Variants in SQSTM1 observed in about 807,000 individuals in gnomAD.
The protein encoded by SQSTM1 is sequestosome-1.
SQSTM1 carries 36 observed loss-of-function variants against 45.1 expected under a neutral mutation model. The ratio of observed to expected loss-of-function variants is 0.80; its 90% CI spans 0.61 to 1.05. The LOEUF (loss-of-function observed/expected upper bound fraction) is 1.05. SQSTM1 is among the 50% of genes least tolerant of loss of function. SQSTM1 has a pLI of 0.00. For missense variants in SQSTM1, 617 were observed against 607.1 expected (o/e 1.02, Z -0.17); for synonymous variants, 290 against 244.3 (o/e 1.19, Z -1.74).
rs1263760209 is a variant in SQSTM1, at chr5:179,837,264, C to G, written c.*671C>G. ...TCAGCACTTTAACCAATGACGTTTGCATAGAGAGAAATGATTGACAGTAAG... is the reference window on the plus strand; with the variant it reads ...TCAGCACTTTAACCAATGACGTTTGGATAGAGAGAAATGATTGACAGTAAG... On this transcript the variant is annotated 3_prime_UTR_variant, in exon 8 of 8. Transcript: ENST00000389805. 2.1e-5 allele frequency: 33 copies of G among 1,605,114 alleles called. No homozygotes were observed. Among genetic ancestry groups the G allele is most frequent in the Non-Finnish European group, 2.7e-5 (32 of 1,179,064 alleles).
intron 1 of SQSTM1, among the ~76,000 whole-genome samples, chr5:179,821,348 G>A (rs923718361): frequency 7.2e-5 from 11 of 152,130 alleles, no homozygotes; most frequent in African/African-American, 2.7e-4. Context: ...CCAAGGCCGG[G>A]ACCCGCTGCT....
chr5:179,836,106 G>A, intron 7 of SQSTM1: 1 of 453,354 alleles, frequency 2.2e-6, no homozygotes. Context: ...TTGCATGGAG[G>A]AGTGTAATAA....
upstream of SQSTM1, among the ~76,000 whole-genome samples, chr5:179,814,102 C>G (rs899799159): frequency 6.6e-6 from 1 of 152,190 alleles, no homozygotes; most frequent in Non-Finnish European, 1.5e-5. Context: ...TCCTGACCAG[C>G]CTGTGCAATA....
intron 5 of SQSTM1, 62 bp downstream of exon 5, chr5:179,825,288 C>T: frequency 1.5e-6 from 2 of 1,352,726 alleles, no homozygotes; most frequent in South Asian, 1.2e-5. Flanking sequence ...TAACTTTCAC[C>T]TGGAATACTG....
At chr5:179,816,034 C>T (rs371661393), upstream of SQSTM1, among the ~76,000 whole-genome samples, 10 of 152,160 alleles carry the variant, frequency 6.6e-5, no homozygotes, top group South Asian at 8.3e-4. Flanking sequence ...CACTGGGCTG[C>T]GAGTGTGCAG....
At chr5:179,818,405 C>T (rs1277215932), upstream of SQSTM1, among the ~76,000 whole-genome samples, 2 of 152,218 alleles carry the variant, frequency 1.3e-5, no homozygotes, top group African/African-American at 4.8e-5. Context: ...TTGTCTCTGG[C>T]TGCCCCAGCA....
intron 1 of SQSTM1, among the ~76,000 whole-genome samples, chr5:179,810,873 T>A (rs1368721547): frequency 6.6e-6 from 1 of 152,132 alleles, no homozygotes; most frequent in Non-Finnish European, 1.5e-5. Flanking sequence ...CCAGTGATGC[T>A]GAGCATTTTT....
chr5:179,814,939 A>G (rs114578161), upstream of SQSTM1, among the ~76,000 whole-genome samples: 3 of 152,366 alleles, frequency 2.0e-5, no homozygotes, highest in African/African-American at 7.2e-5. Flanking sequence ...TAAAATATTT[A>G]GAATGTTTCC....
intron 1 of SQSTM1, chr5:179,821,476 C>A: frequency 1.8e-6 from 1 of 553,224 alleles, no homozygotes; most frequent in Non-Finnish European, 3.4e-6. Flanking sequence ...CGCGCCGGGG[C>A]GAACGCTCTG....
intron 5 of SQSTM1, among the ~76,000 whole-genome samples, chr5:179,828,674 G>T (rs1263643674): frequency 1.3e-5 from 2 of 152,142 alleles, no homozygotes; most frequent in Non-Finnish European, 2.9e-5. Flanking sequence ...GTACCCGGCA[G>T]CTTCAACCTT....
intron 1 of SQSTM1, among the ~76,000 whole-genome samples, chr5:179,821,933 C>T (rs959335148): frequency 1.3e-5 from 2 of 148,938 alleles, no homozygotes; most frequent in African/African-American, 4.9e-5. Context: ...CATACCAGGC[C>T]CTCTCCTATT....
rs1042429404 is a variant in SQSTM1 at position 179,806,527 on chromosome 5, G to A, written c.-221G>A. ...GTGCCGCGTACCAGGACAGCGAGAG[G>A]AAGGCGCACAGGCAGAAGAGCAGCA... On this transcript the variant is annotated 5_prime_UTR_variant, in exon 1 of 6. Transcript: ENST00000514093. The surrounding 1 kb of genome is among the most constrained non-coding windows in gnomAD (Gnocchi z 4.6). 5 of 1,339,888 alleles carry A rather than the reference G, an allele frequency of 3.7e-6. No individual in the cohort carries two copies. Among genetic ancestry groups the A allele is most frequent in the African/African-American group, 3.1e-5 (2 of 64,368 alleles). The allele number at this position is 1,339,888 out of a possible 1,614,324, so 83.0% of individuals were successfully genotyped here.
upstream of SQSTM1, among the ~76,000 whole-genome samples, chr5:179,818,267 C>T (rs549244360): frequency 1.3e-5 from 2 of 152,158 alleles, no homozygotes; most frequent in South Asian, 2.1e-4. Context: ...GTGGCTGCAG[C>T]GCAGAAGGCC....
At chr5:179,817,046 G>T (rs959683088), upstream of SQSTM1, among the ~76,000 whole-genome samples, 3 of 152,108 alleles carry the variant, frequency 2.0e-5, no homozygotes, top group African/African-American at 7.2e-5. Flanking sequence ...TTCTGACGCG[G>T]GTGCGAGGCC....
At chr5:179,817,227 G>C (rs1757610652), upstream of SQSTM1, among the ~76,000 whole-genome samples, 1 of 152,236 alleles carries the variant, frequency 6.6e-6, no homozygotes, top group South Asian at 2.1e-4. Flanking sequence ...TGCGCCCCGA[G>C]CTGGAACTTC....
chr5:179,812,243 G>T (rs1288692870), intron 2 of SQSTM1: 1 of 152,340 alleles, frequency 6.6e-6, no homozygotes, highest in African/African-American at 2.4e-5. Flanking sequence ...ATGTCCGCAG[G>T]CACGGCATGA....
In SQSTM1 at chr5:179,806,424, G is replaced by C. The variant is rs1463333917; in HGVS notation, c.-324G>C. 9.4e-7 allele frequency: 1 copy of C among 1,062,706 alleles called. No homozygotes were observed. The highest frequency in any genetic ancestry group is 1.7e-5 in the African/African-American group (1 of 58,550). The allele number at this position is 1,062,706 out of a possible 1,614,324, so 65.8% of individuals were successfully genotyped here. On this transcript the variant is annotated 5_prime_UTR_variant, in exon 1 of 6. Transcript: ENST00000514093. The surrounding 1 kb of genome is among the most constrained non-coding windows in gnomAD (Gnocchi z 4.6). ...CGGCCGCCTTCCGCGGCCACCGCCG[G>C]GCCCGCTCCCGCCGCCGACGCCCAG... is the stretch of plus-strand genomic sequence containing the variant.
upstream of SQSTM1, among the ~76,000 whole-genome samples, chr5:179,814,373 T>C (rs1757518536): frequency 6.6e-6 from 1 of 152,194 alleles, no homozygotes; most frequent in Non-Finnish European, 1.5e-5. Flanking sequence ...TCCTAGGGAA[T>C]GGCCCTTCTG....
At position 179,836,349 on chromosome 5, in the gene SQSTM1, C is replaced by G. The variant is rs1171562440; in HGVS notation, c.1166-87C>G. The G allele has an allele frequency of 6.3e-6, 10 of 1,591,590 alleles. No individual in the cohort carries two copies. In the South Asian group the frequency reaches 1.1e-4, roughly 18 times the overall value. On this transcript the variant is annotated intron_variant, in intron 7 of 7. Transcript: ENST00000389805. ...GCTCGGACACTGGCAGACCCTGGTC[C>G]TGGCTGGCCAAGGCAGCAGGGTATG...
Sources: gnomAD v4.1 joint callset for allele counts (sites outside exome capture counted in the v4.1 genomes callset) on GRCh38, gnomAD v4.1.1 for gene constraint, Gnocchi (gnomAD v3.1) non-coding constraint, MANE v1.5 for transcripts, NCBI Gene and HGNC (gene_info 2026-07-23, HGNC 2026-07-21) for gene names.